Variants in CACNG7 observed in about 807,000 individuals in gnomAD.
The protein encoded by CACNG7 is voltage-dependent calcium channel gamma-7 subunit.
Under a neutral mutation model 26.3 loss-of-function variants are expected in CACNG7, and 9 were observed. The observed-to-expected ratio is 0.34, with a 90% CI of 0.21 to 0.60. The LOEUF (loss-of-function observed/expected upper bound fraction) is 0.60. Ranked by LOEUF, CACNG7 falls within the 20% of genes least tolerant of loss-of-function variation. CACNG7 has a pLI of 0.81. For missense variants in CACNG7, 297 were observed against 380.4 expected (o/e 0.78, Z 1.82); for synonymous variants, 170 against 157.0 (o/e 1.08, Z -0.62).
intron 4 of CACNG7, among the ~76,000 whole-genome samples, chr19:53,921,941 GT>G (rs2068960243): frequency 9.7e-6 from 1 of 102,996 alleles, no homozygotes; most frequent in African/African-American, 5.0e-5. Context: ...CCCAGGTCTG[GT>G]CATTGGTGGA....
chr19:53,926,755 A>AG (rs947706212), intron 4 of CACNG7, among the ~76,000 whole-genome samples: 16 of 151,998 alleles, frequency 1.1e-4, no homozygotes, highest in African/African-American at 3.9e-4. Context: ...TCCACTAAAA[A>AG]TAGAAAAATT....
intron 4 of CACNG7, among the ~76,000 whole-genome samples, chr19:53,920,106 G>C (rs377241581): frequency 0.077 from 7,580 of 98,282 alleles, 605 homozygotes; most frequent in Non-Finnish European, 0.097. Context: ...CATTGGTGGA[G>C]TTGCCCCAGG....
intron 4 of CACNG7, among the ~76,000 whole-genome samples, chr19:53,929,468 A>AT (rs1165997585): frequency 6.6e-6 from 1 of 151,734 alleles, no homozygotes; most frequent in Non-Finnish European, 1.5e-5. Context: ...GTATTTTTTA[A>AT]TTTTTTGAGA....
At chr19:53,931,551 G>C (rs1318773698) in intron 4 of CACNG7, among the ~76,000 whole-genome samples, 1 of 151,556 alleles carries the variant, frequency 6.6e-6, no homozygotes, top group Non-Finnish European at 1.5e-5. Flanking sequence ...AGCCAGGTGT[G>C]GTGGTGCATG....
intron 4 of CACNG7, among the ~76,000 whole-genome samples, chr19:53,922,615 C>T (rs79505298): frequency 1.3e-5 from 1 of 76,210 alleles, no homozygotes; most frequent in Non-Finnish European, 2.2e-5. Flanking sequence ...TTGTCCCAGG[C>T]CTGGTCATTG....
chr19:53,925,484 G>GCTGGTCATTGGTCGACTTGCCCCAGGT (rs2069021383), intron 4 of CACNG7, among the ~76,000 whole-genome samples: 1 of 116,684 alleles, frequency 8.6e-6, no homozygotes, highest in African/African-American at 3.7e-5. Flanking sequence ...GTTGCCCCAG[G>GCTGGTCATTGGTCGACTTGCCCCAGGT]CTGGTCATTG....
intron 4 of CACNG7, among the ~76,000 whole-genome samples, chr19:53,929,111 C>CAAAAAAA (rs1157941961): frequency 8.2e-5 from 3 of 36,458 alleles, no homozygotes; most frequent in Admixed American, 3.1e-4. Flanking sequence ...GACTCCACCT[C>CAAAAAAA]AAAAAAAAAA....
In CACNG7 at chr19:53,942,280, C is replaced by T. The variant is rs368312328; in HGVS notation, c.815C>T (p.Thr272Ile). ...IKYPDHLHISTSPC is the reference protein window; with the variant it reads ...IKYPDHLHISISPC ...TACCCGGACCACCTGCACATCTCCA[C>T]CTCGCCCTGCTGAGGCCCGCCCCTC... The change falls in exon 6 of 6, where the codon ACC (threonine) becomes ATC (isoleucine). Residue 272 changes from threonine to isoleucine, a missense_variant. By Grantham distance (89) the Thr-to-Ile change is moderately conservative. Coordinates refer to ENST00000391767, the MANE Select transcript of CACNG7 (RefSeq NM_031896.5). This position sits in a 1 kb window ranked among gnomAD's most constrained non-coding sequence, Gnocchi z 5.9. 2 of 1,611,532 alleles carry T rather than the reference C, an allele frequency of 1.2e-6. No individual in the cohort carries two copies. Among genetic ancestry groups the T allele is most frequent in the Non-Finnish European group, 1.7e-6 (2 of 1,179,240 alleles).
Position 53,942,392 on chromosome 19 carries a change from T to C in CACNG7, c.*99T>C. On this transcript the variant is annotated 3_prime_UTR_variant, in exon 6 of 6. Transcript: ENST00000391767. The surrounding 1 kb of genome is among the most constrained non-coding windows in gnomAD (Gnocchi z 5.9). ...CCCTTCCGTCCTCGGGACTCCTCGC[T>C]CCCACCCGGAGGAGGCTGCGCCAGC... 1 of 1,517,758 alleles carries C rather than the reference T, an allele frequency of 6.6e-7. No individual in the cohort carries two copies. The highest frequency in any genetic ancestry group is 8.8e-7 in the Non-Finnish European group (1 of 1,135,126). 94.0% of individuals were successfully genotyped at this position (1,517,758 alleles called of 1,614,324 possible). A position where few individuals can be genotyped will look rare whatever the true frequency, so the allele number is the denominator to read the frequency against.
Position 53,942,172 on chromosome 19 carries a change from C to G in CACNG7, c.707C>G (p.Ala236Gly), listed in dbSNP as rs2069141933. 1 of 1,613,924 alleles carries G rather than the reference C, an allele frequency of 6.2e-7. No homozygotes were observed. The highest frequency in any genetic ancestry group is 8.5e-7 in the Non-Finnish European group (1 of 1,179,958). ...TCGGGCCAGTTCCTGCAGCCCGAGGCGTGGCGCCGCGGCCGGAGCCCCTCC... is the reference window on the plus strand; with the variant it reads ...TCGGGCCAGTTCCTGCAGCCCGAGGGGTGGCGCCGCGGCCGGAGCCCCTCC... The part of the protein sequence containing the change: ...DYSGQFLQPE[A>G]WRRGRSPSDI... The change falls in exon 6 of 6, where the codon GCG (alanine) becomes GGG (glycine). Residue 236 changes from alanine (A) to glycine (G), a missense_variant. Physicochemically the swap from Ala to Gly is moderately conservative, Grantham distance 60 (BLOSUM62 0). Transcript: ENST00000391767. This position sits in a 1 kb window ranked among gnomAD's most constrained non-coding sequence, Gnocchi z 5.9.
At chr19:53,917,345 C>T (rs2068905369) in intron 4 of CACNG7, among the ~76,000 whole-genome samples, 1 of 152,246 alleles carries the variant, frequency 6.6e-6, no homozygotes, top group Non-Finnish European at 1.5e-5. Context: ...ACAAACCCCA[C>T]TGCATGTCTC....
intron 4 of CACNG7, among the ~76,000 whole-genome samples, chr19:53,925,525 A>T (rs1292651884): frequency 3.8e-5 from 5 of 132,656 alleles, no homozygotes; most frequent in African/African-American, 6.1e-5. Context: ...TCATTGGTGG[A>T]GTTGTCCCAG....
rs184974625 is a variant in CACNG7, at chr19:53,935,771, G to A, written c.425-5699G>A. On this transcript the variant is annotated intron_variant, in intron 4 of 5. Transcript: ENST00000391767. ...TTCTCCTGCCTCAGCCTCCCAAGTA[G>A]CTGGGATTACAGGCACCCACCACCA... Among the ~76,000 whole-genome samples the A allele has an allele frequency of 5.5e-5, 8 of 145,654 alleles. No individual in the cohort carries two copies. In the East Asian group the frequency reaches 1.7e-3, roughly 31 times the overall value.
At chr19:53,919,160 C>T (rs763087452) in intron 4 of CACNG7, among the ~76,000 whole-genome samples, 16 of 152,086 alleles carry the variant, frequency 1.1e-4, no homozygotes, top group Non-Finnish European at 2.2e-4. Flanking sequence ...TGCTGCCCCA[C>T]CAAGATTAAG....
intron 4 of CACNG7, among the ~76,000 whole-genome samples, chr19:53,924,626 C>T (rs1346171205): frequency 1.0e-5 from 1 of 98,698 alleles, no homozygotes; most frequent in African/African-American, 4.5e-5. Flanking sequence ...CATTGGTGGA[C>T]TTGCCCCAGG....
chr19:53,924,741 TCTGGTCATTGGTGGACTTGCCTAGGG>T (rs2069009028), intron 4 of CACNG7, among the ~76,000 whole-genome samples: 3 of 139,888 alleles, frequency 2.1e-5, no homozygotes, highest in South Asian at 2.3e-4. Context: ...TTGCCCCAGG[TCTGGTCATTGGTGGACTTGCCTAGGG>T]CTGGTCATTG....
rs778373164 is a variant in CACNG7 at position 53,941,621 on chromosome 19, G to A, written c.570+6G>A. ...CCTCCTTCCTACTCAAAGAGGTGAC[G>A]TCCGTGGGACCTAGACTCTAGAGTT... On this transcript the variant is annotated splice_donor_region_variant and intron_variant, in intron 5 of 5. Coordinates refer to ENST00000391767, the MANE Select transcript of CACNG7 (RefSeq NM_031896.5). 1.1e-5 allele frequency: 17 copies of A among 1,610,780 alleles called. No homozygotes were observed. The highest frequency in any genetic ancestry group is 1.4e-5 in the Non-Finnish European group (16 of 1,178,830).
intron 4 of CACNG7, among the ~76,000 whole-genome samples, chr19:53,932,275 A>C (rs911837118): frequency 1.3e-5 from 2 of 150,592 alleles, no homozygotes; most frequent in Non-Finnish European, 3.0e-5. Flanking sequence ...AAAAAAAAGA[A>C]TTAAAAAATA....
In CACNG7 at chr19:53,940,135, G is replaced by A. The variant is rs931812466; in HGVS notation, c.425-1335G>A. Reference sequence around the variant, plus strand: ...GCAGGGAACTTTATAGCCTCCTTAAGCCACTCTTGGCATGGTTACTGTTTA... The same window carrying A: ...GCAGGGAACTTTATAGCCTCCTTAAACCACTCTTGGCATGGTTACTGTTTA... On this transcript the variant is annotated intron_variant, in intron 4 of 5. Transcript: ENST00000391767. This position sits in a 1 kb window ranked among gnomAD's most constrained non-coding sequence, Gnocchi z 4.1. Among the ~76,000 whole-genome samples the A allele has an allele frequency of 4.6e-5, 7 of 152,166 alleles. No individual in the cohort carries two copies. The highest frequency in any genetic ancestry group is 2.0e-4 in the Admixed American group (3 of 15,282).
Sources: gnomAD v4.1 joint callset for allele counts (sites outside exome capture counted in the v4.1 genomes callset) on GRCh38, gnomAD v4.1.1 for gene constraint, Gnocchi (gnomAD v3.1) non-coding constraint, MANE v1.5 for transcripts, NCBI Gene and HGNC (gene_info 2026-07-23, HGNC 2026-07-21) for gene names.